Variants in RGS20 observed in about 807,000 individuals in gnomAD.
RGS20 encodes gz-selective GTPase-activating protein.
RGS20 carries 30 observed loss-of-function variants against 33.6 expected under a neutral mutation model. That is an observed-to-expected ratio of 0.89 (90% CI 0.67 to 1.21). RGS20 has a LOEUF of 1.21. Ranked by LOEUF, RGS20 falls within the 50% of genes most tolerant of loss-of-function variation. The pLI, the probability that RGS20 is intolerant of heterozygous loss-of-function variation, is 0.00. For missense variants in RGS20, 472 were observed against 502.4 expected (o/e 0.94, Z 0.58); for synonymous variants, 208 against 197.9 (o/e 1.05, Z -0.43).
intron 2 of RGS20, among the ~76,000 whole-genome samples, chr8:53,895,849 G>A (rs994713184): frequency 6.6e-6 from 1 of 151,960 alleles, no homozygotes; most frequent in Non-Finnish European, 1.5e-5. Context: ...GTTTCACCAT[G>A]TTGGTCAGAG....
At chr8:53,860,065 C>A (rs1230963534) in intron 1 of RGS20, among the ~76,000 whole-genome samples, 1 of 152,132 alleles carries the variant, frequency 6.6e-6, no homozygotes, top group Non-Finnish European at 1.5e-5. Flanking sequence ...AAAAGGTGAT[C>A]CAAATCAAGC....
intron 3 of RGS20, among the ~76,000 whole-genome samples, chr8:53,943,919 G>A (rs1415613364): frequency 6.6e-6 from 1 of 151,340 alleles, no homozygotes; most frequent in Non-Finnish European, 1.5e-5. Flanking sequence ...AAACTATTTA[G>A]CCCTGACATC....
At position 53,877,176 on chromosome 8, in the gene RGS20, T is replaced by G. The variant is rs528936985; in HGVS notation, c.166-2082T>G. On this transcript the variant is annotated intron_variant, in intron 1 of 5. Coordinates refer to ENST00000297313, the MANE Select transcript of RGS20 (RefSeq NM_170587.4). This position sits in a 1 kb window ranked among gnomAD's most constrained non-coding sequence, Gnocchi z 5.7. The stretch of plus-strand genomic sequence containing the variant: ...GCGCTCTCTTTCAGCATTTTCGGCT[T>G]TTTTCAAGCCCTTGCGTAGGGTCGG... Among the ~76,000 whole-genome samples the G allele has an allele frequency of 1.3e-5, 2 of 152,286 alleles. No homozygotes were observed. The highest frequency in any genetic ancestry group is 4.1e-4 in the South Asian group (2 of 4,820).
At chr8:53,892,892 G>C (rs902970347) in intron 2 of RGS20, among the ~76,000 whole-genome samples, 3 of 152,114 alleles carry the variant, frequency 2.0e-5, no homozygotes, top group Admixed American at 6.5e-5. Context: ...CCTGTACCAT[G>C]ACTTAATATC....
intron 2 of RGS20, among the ~76,000 whole-genome samples, chr8:53,923,733 T>A (rs1225148409): frequency 1.3e-5 from 2 of 152,220 alleles, no homozygotes; most frequent in African/African-American, 4.8e-5. Flanking sequence ...ATGCGCTGCG[T>A]CTTTTTATCT....
In RGS20 at chr8:53,877,812, C is replaced by T. The variant is rs1421558265; in HGVS notation, c.166-1446C>T. On this transcript the variant is annotated intron_variant, in intron 1 of 5. Transcript: ENST00000297313. This position sits in a 1 kb window ranked among gnomAD's most constrained non-coding sequence, Gnocchi z 5.7. ...AACGACAGCAAGACAAATCAGCCAC[C>T]GCACTCGCGGCTTCCCAGAAAGGGC... Among the ~76,000 whole-genome samples, 3 of 152,228 alleles carry T rather than the reference C, an allele frequency of 2.0e-5. No individual in the cohort carries two copies. Among genetic ancestry groups the T allele is most frequent in the African/African-American group, 4.8e-5 (2 of 41,458 alleles).
chr8:53,879,560 C>T lies in RGS20; in HGVS notation c.468C>T (p.Pro156=). The T allele has an allele frequency of 6.5e-7, 1 of 1,540,830 alleles. No individual in the cohort carries two copies. The highest frequency in any genetic ancestry group is 8.7e-7 in the Non-Finnish European group (1 of 1,143,956). Residue 156 remains proline (P), a synonymous_variant, in exon 2 of 6, where the codon CCC becomes CCT. Coordinates refer to ENST00000297313, the MANE Select transcript of RGS20 (RefSeq NM_170587.4). ...GGCCCCCCCATCCGGTAGCCAAGCCCAGGGAAGAAGACGCCACCGCTGGGC... is the reference window on the plus strand; with the variant it reads ...GGCCCCCCCATCCGGTAGCCAAGCCTAGGGAAGAAGACGCCACCGCTGGGC...
intron 3 of RGS20, among the ~76,000 whole-genome samples, chr8:53,942,838 A>G (rs1814345417): frequency 6.6e-6 from 1 of 151,750 alleles, no homozygotes; most frequent in African/African-American, 2.4e-5. Context: ...AAAAAAAAAA[A>G]AAAAAAAGTT....
chr8:53,897,211 G>A (rs905334553), intron 2 of RGS20, among the ~76,000 whole-genome samples: 1 of 152,186 alleles, frequency 6.6e-6, no homozygotes, highest in Non-Finnish European at 1.5e-5. Context: ...TGATGGAGAG[G>A]AACTTCTTCA....
chr8:53,948,182 T>C, intron 4 of RGS20, among the ~76,000 whole-genome samples: 1 of 132,578 alleles, frequency 7.5e-6, no homozygotes, highest in South Asian at 2.4e-4. Context: ...ATATATGATA[T>C]AGTATATATA....
chr8:53,865,999 T>C lies in RGS20; in HGVS notation c.166-13259T>C, dbSNP rs1811909932. 3.9e-5 allele frequency among the ~76,000 whole-genome samples: 6 copies of C among 152,170 alleles called. No homozygotes were observed. In the South Asian group the frequency reaches 1.2e-3, roughly 32 times the overall value. On this transcript the variant is annotated intron_variant, in intron 1 of 5. Transcript: ENST00000297313. Reference sequence around the variant, plus strand: ...CTGATGGGAAAACAGACTATCACAATACAGAGCATGCAGGCAACCCCAACG... The same window carrying C: ...CTGATGGGAAAACAGACTATCACAACACAGAGCATGCAGGCAACCCCAACG...
At chr8:53,857,780 C>T (rs967413308) in intron 1 of RGS20, among the ~76,000 whole-genome samples, 5 of 151,930 alleles carry the variant, frequency 3.3e-5, no homozygotes, top group African/African-American at 9.7e-5. Flanking sequence ...ATTCCAAAAG[C>T]TGAAAAAAAT....
intron 2 of RGS20, among the ~76,000 whole-genome samples, chr8:53,898,334 G>A (rs1397348365): frequency 6.6e-6 from 1 of 152,174 alleles, no homozygotes; most frequent in African/African-American, 2.4e-5. Flanking sequence ...CTAGAAGTAG[G>A]TGTGGCCATT....
At chr8:53,919,386 G>A (rs1438780766) in intron 2 of RGS20, among the ~76,000 whole-genome samples, 6 of 145,934 alleles carry the variant, frequency 4.1e-5, no homozygotes, top group South Asian at 2.1e-4. Flanking sequence ...CTGTCACCCC[G>A]TCTGGAGTGC....
intron 1 of RGS20, among the ~76,000 whole-genome samples, chr8:53,864,309 C>T (rs1311336793): frequency 6.6e-6 from 1 of 151,702 alleles, no homozygotes; most frequent in Non-Finnish European, 1.5e-5. Context: ...TGGCGGGTGC[C>T]TGTAATCCCA....
chr8:53,881,977 G>C (rs1812397723), intron 2 of RGS20, among the ~76,000 whole-genome samples: 1 of 151,998 alleles, frequency 6.6e-6, no homozygotes, highest in South Asian at 2.1e-4. Context: ...GGAGGGGAGG[G>C]TCTGTGTGCG....
chr8:53,874,858 T>G (rs1563350017), intron 1 of RGS20, among the ~76,000 whole-genome samples: 1 of 152,230 alleles, frequency 6.6e-6, no homozygotes, highest in African/African-American at 2.4e-5. Flanking sequence ...CAATGCTATT[T>G]CCAAGTAAGG....
Position 53,888,932 on chromosome 8 carries a change from C to T in RGS20, c.510+9330C>T, listed in dbSNP as rs576475720. Among the ~76,000 whole-genome samples, 6 of 152,268 alleles carry T rather than the reference C, an allele frequency of 3.9e-5. No individual in the cohort carries two copies. The South Asian group carries it at 8.3e-4, about 21-fold the overall frequency. Reference sequence around the variant, plus strand: ...TGTGCAGCGTTCCTTTGTGTGAATACACCACAGTGTATTCCATTCCACTAC... The same window carrying T: ...TGTGCAGCGTTCCTTTGTGTGAATATACCACAGTGTATTCCATTCCACTAC... On this transcript the variant is annotated intron_variant, in intron 2 of 5. Transcript: ENST00000297313.
At chr8:53,901,120 G>A (rs1274721199) in intron 2 of RGS20, among the ~76,000 whole-genome samples, 3 of 147,516 alleles carry the variant, frequency 2.0e-5, no homozygotes, top group East Asian at 4.0e-4. Context: ...CTGGAGTGCA[G>A]TGGCGCAATC....
Sources: allele counts gnomAD v4.1 joint callset (sites outside exome capture counted in the v4.1 genomes callset), GRCh38; gene constraint gnomAD v4.1.1; non-coding constraint Gnocchi (gnomAD v3.1); transcripts MANE v1.5; gene names NCBI Gene and HGNC (gene_info 2026-07-23, HGNC 2026-07-21).